Variants in GATA4 observed in about 807,000 individuals in gnomAD.
GATA4 encodes GATA binding protein 4.
Under a neutral mutation model 37.9 loss-of-function variants are expected in GATA4, and 7 were observed. That is an observed-to-expected ratio of 0.18 (90% confidence interval 0.11 to 0.35). GATA4 has a LOEUF of 0.35. Among genes scored for constraint, GATA4 ranks in the 10% least tolerant of loss-of-function variants. The probability of loss-of-function intolerance (pLI) is 1.00; values close to 1 mark genes in which losing one functional copy is unlikely to be tolerated. For synonymous variants in GATA4, 372 were observed against 292.6 expected, an observed-to-expected ratio of 1.27 and a Z score of -2.77; for missense variants, 647 against 653.0, an observed-to-expected ratio of 0.99 and a Z score of 0.10.
At chr8:11,741,651 C>G (rs964466364) in intron 2 of GATA4, among the ~76,000 whole-genome samples, 2 of 152,148 alleles carry the variant, frequency 1.3e-5, no homozygotes, top group African/African-American at 4.8e-5. Flanking sequence ...AATCTTTATG[C>G]TGTAATTATA....
chr8:11,681,522 C>T (rs1181121315), intron 1 of GATA4: 3 of 924,228 alleles, frequency 3.2e-6, no homozygotes, highest in Non-Finnish European at 3.9e-6. Context: ...GGGTCGGTCC[C>T]TCTCGGGAAC....
At chr8:11,713,761 A>G (rs904669310) in intron 2 of GATA4, among the ~76,000 whole-genome samples, 2 of 152,242 alleles carry the variant, frequency 1.3e-5, no homozygotes, top group African/African-American at 4.8e-5. Context: ...AGTATAGAAT[A>G]TGGCTTGTCT....
At chr8:11,682,802 G>T (rs1407517553) in intron 1 of GATA4, among the ~76,000 whole-genome samples, 1 of 152,182 alleles carries the variant, frequency 6.6e-6, no homozygotes, top group African/African-American at 2.4e-5. Context: ...AACACCTCTT[G>T]GCCGTGGCGA....
Position 11,757,169 on chromosome 8 carries a change from T to C in GATA4, c.1149+86T>C. 4 of 1,564,282 alleles carry C rather than the reference T, an allele frequency of 2.6e-6. No homozygotes were observed. In the South Asian group the frequency reaches 4.7e-5, roughly 18 times the overall value. On this transcript the variant is annotated intron_variant, in intron 6 of 6. Coordinates refer to ENST00000532059, the MANE Select transcript of GATA4 (RefSeq NM_001308093.3). ...AGGCCAGCCTAGTACTGGGTGGGAC[T>C]TGCAGCCAGGCCTCACAGGTGCAAG...
chr8:11,706,369 A>G (rs1420491150), intron 1 of GATA4, among the ~76,000 whole-genome samples: 7 of 152,332 alleles, frequency 4.6e-5, no homozygotes, highest in African/African-American at 1.7e-4. Flanking sequence ...TTCTTGTATT[A>G]TACTAGAAAT....
chr8:11,681,260 C>G lies in GATA4; in HGVS notation c.-274+4197C>G, dbSNP rs898659025. The G allele has an allele frequency of 1.0e-5, 10 of 985,416 alleles. No homozygotes were observed. The African/African-American group carries it at 1.6e-4, about 15-fold the overall frequency. 61.0% of individuals were successfully genotyped at this position (985,416 alleles called of 1,614,324 possible). ...GGACTTACAGCTCGTCTGGGAGCGA[C>G]TGGATTCCCAGGCCTCCGCACGCTG... is the stretch of plus-strand genomic sequence containing the variant. On this transcript the variant is annotated intron_variant, in intron 1 of 6. Transcript: ENST00000528712.
chr8:11,681,426 G>A (rs1362728422), intron 1 of GATA4: 9 of 984,578 alleles, frequency 9.1e-6, no homozygotes, highest in African/African-American at 3.5e-5. Context: ...CTCGGGGGCC[G>A]TAGCTACGAT....
chr8:11,727,107 C>T (rs946182333), intron 2 of GATA4, among the ~76,000 whole-genome samples: 1 of 152,236 alleles, frequency 6.6e-6, no homozygotes, highest in African/African-American at 2.4e-5. Flanking sequence ...AACAAGCTCC[C>T]TTCAGACCCT....
At position 11,755,033 on chromosome 8, in the gene GATA4, T is replaced by C; in HGVS notation, c.913-13T>C. On this transcript the variant is annotated splice_polypyrimidine_tract_variant and intron_variant, in intron 4 of 6. Coordinates refer to ENST00000532059, the MANE Select transcript of GATA4 (RefSeq NM_001308093.3). ...AAATGGAAAACCCTATATATTTACT[T>C]GTGACCCTCCAGGTCCCCAGGCCTC... is the stretch of plus-strand genomic sequence containing the variant. 6.2e-7 allele frequency: 1 copy of C among 1,609,392 alleles called. No individual in the cohort carries two copies. The highest frequency in any genetic ancestry group is 8.5e-7 in the Non-Finnish European group (1 of 1,175,818).
At chr8:11,753,453 G>A (rs1244538158) in intron 4 of GATA4, among the ~76,000 whole-genome samples, 2 of 151,354 alleles carry the variant, frequency 1.3e-5, no homozygotes, top group Admixed American at 1.3e-4. Flanking sequence ...GAATGGTTCA[G>A]ATGGTAAATT....
At chr8:11,690,569 A>G (rs1345161821), upstream of GATA4, among the ~76,000 whole-genome samples, 2 of 152,146 alleles carry the variant, frequency 1.3e-5, no homozygotes, top group African/African-American at 2.4e-5. Flanking sequence ...AACAAAAAAA[A>G]GCTGGCCTGG....
chr8:11,726,145 A>G (rs1800912460), intron 2 of GATA4, among the ~76,000 whole-genome samples: 2 of 152,234 alleles, frequency 1.3e-5, no homozygotes, highest in Non-Finnish European at 2.9e-5. Context: ...CCCGGAATCC[A>G]TCCTGAAGCA....
chr8:11,713,644 A>C (rs920450993), intron 2 of GATA4, among the ~76,000 whole-genome samples: 12 of 152,116 alleles, frequency 7.9e-5, no homozygotes, highest in Admixed American at 6.5e-5. Flanking sequence ...AAGCAAAAAA[A>C]AAAAAGAAAA....
At chr8:11,723,150 C>T (rs182341113) in intron 2 of GATA4, among the ~76,000 whole-genome samples, 1 of 151,900 alleles carries the variant, frequency 6.6e-6, no homozygotes, top group East Asian at 1.9e-4. Flanking sequence ...AGTTTGAAGC[C>T]AGCATGAGCA....
At chr8:11,754,414 C>G (rs1361420681) in intron 4 of GATA4, among the ~76,000 whole-genome samples, 8 of 152,150 alleles carry the variant, frequency 5.3e-5, no homozygotes, top group African/African-American at 1.9e-4. Context: ...GATGGGGTCT[C>G]ACTATGTTGC....
chr8:11,680,827 C>A, intron 1 of GATA4: 2 of 985,330 alleles, frequency 2.0e-6, no homozygotes, highest in Non-Finnish European at 2.4e-6. Context: ...GGTCCCCACG[C>A]TCTGGGCAGC....
intron 4 of GATA4, among the ~76,000 whole-genome samples, chr8:11,752,921 G>C (rs565064292): frequency 7.9e-4 from 120 of 152,240 alleles, no homozygotes; most frequent in African/African-American, 2.7e-3. Flanking sequence ...GAAGGAAAAT[G>C]GTTAAACTAT....
chr8:11,703,714 T>G (rs1442461162), upstream of GATA4, among the ~76,000 whole-genome samples: 1 of 152,176 alleles, frequency 6.6e-6, no homozygotes, highest in Non-Finnish European at 1.5e-5. Context: ...CTCCTGAACC[T>G]CCAAGGAATC....
chr8:11,728,109 G>C (rs1801025123), intron 2 of GATA4, among the ~76,000 whole-genome samples: 1 of 152,110 alleles, frequency 6.6e-6, no homozygotes, highest in Non-Finnish European at 1.5e-5. Flanking sequence ...TCCTGCCTCA[G>C]CCTCCCGAGC....
Sources: gnomAD v4.1 joint callset for allele counts (sites outside exome capture counted in the v4.1 genomes callset) on GRCh38, gnomAD v4.1.1 for gene constraint, MANE v1.5 for transcripts, NCBI Gene and HGNC (gene_info 2026-07-23, HGNC 2026-07-21) for gene names.